Variants in GJC1 observed in about 807,000 individuals in gnomAD.
The protein encoded by GJC1 is gap junction gamma-1 protein.
Under a neutral mutation model 29.3 loss-of-function variants are expected in GJC1, and 5 were observed. The observed-to-expected ratio is 0.17, with a 90% CI of 0.09 to 0.36. The LOEUF (loss-of-function observed/expected upper bound fraction) is 0.36. Among genes scored for constraint, GJC1 ranks in the 10% least tolerant of loss-of-function variants. The pLI is 1.00. For synonymous variants in GJC1, 177 were observed against 183.3 expected (o/e 0.97, Z 0.28); for missense variants, 310 against 496.2 (o/e 0.62, Z 3.56).
At position 44,805,600 on chromosome 17, in the gene GJC1, T is replaced by A; in HGVS notation, c.218A>T (p.His73Leu). The change falls in exon 3 of 3, where the codon CAT (histidine) becomes CTT (leucine). Residue 73 changes from histidine to leucine, a missense_variant. Around this residue, in one of 4 missense-constraint regions of GJC1, gnomAD observed 37 missense variants for 104.2 expected, o/e 0.35. Transcript: ENST00000592524. This position sits in a 1 kb window ranked among gnomAD's most constrained non-coding sequence, Gnocchi z 5.1. The part of the protein sequence containing the change: ...VCYDAFAPLS[H>L]VRFWVFQIIL... Reference sequence around the variant, plus strand: ...GATCTGGAACACCCAGAAGCGTACATGGGAGAGAGGTGCAAACGCATCATA... The same window carrying A: ...GATCTGGAACACCCAGAAGCGTACAAGGGAGAGAGGTGCAAACGCATCATA... 2 of 1,614,168 alleles carry A rather than the reference T, an allele frequency of 1.2e-6. No individual in the cohort carries two copies. The highest frequency in any genetic ancestry group is 1.7e-6 in the Non-Finnish European group (2 of 1,179,998).
Position 44,805,050 on chromosome 17 carries a change from C to G in GJC1, c.768G>C (p.Gly256=), listed in dbSNP as rs748222103. The G allele has an allele frequency of 5.0e-6, 8 of 1,614,002 alleles. No individual in the cohort carries two copies. In the Admixed American group the frequency reaches 1.3e-4, roughly 27 times the overall value. ...TACTGTTTAGTGAGTCTCGAATGGT[C>G]CCAAACCCTAAATGAAGCATCTCCC... ...NIWEMLHLGF[G]TIRDSLNSKR... is the part of the protein sequence containing the mutation. Residue 256 remains glycine (G), a synonymous_variant, in exon 3 of 3, where the codon GGG becomes GGC. Transcript: ENST00000592524. The surrounding 1 kb of genome is among the most constrained non-coding windows in gnomAD (Gnocchi z 5.1).
intron 1 of GJC1, among the ~76,000 whole-genome samples, chr17:44,816,992 C>T (rs1342458381): frequency 2.0e-5 from 3 of 151,742 alleles, no homozygotes; most frequent in African/African-American, 7.3e-5. Context: ...GGGCGGATCA[C>T]CTGAAGTCAG....
chr17:44,823,815 G>C (rs181071103), intron 1 of GJC1, among the ~76,000 whole-genome samples: 45 of 151,540 alleles, frequency 3.0e-4, no homozygotes, highest in African/African-American at 1.0e-3. Context: ...AGGTTCAAGC[G>C]ATTCTCCTGC....
chr17:44,819,644 C>T (rs963782521), intron 1 of GJC1, among the ~76,000 whole-genome samples: 4 of 150,322 alleles, frequency 2.7e-5, no homozygotes, highest in South Asian at 2.1e-4. Flanking sequence ...GGCGACAGAG[C>T]GAGACTCCGT....
intron 1 of GJC1, 134 bp downstream of exon 1, chr17:44,829,928 T>C (rs62064503): frequency 0.37 from 55,724 of 151,640 alleles, 10,585 homozygotes; most frequent in Admixed American, 0.46. Context: ...TCTCCCGCTC[T>C]GGCCGCGCTC....
chr17:44,807,883 T>C (rs867833393), intron 1 of GJC1: 3 of 152,162 alleles, frequency 2.0e-5, no homozygotes, highest in East Asian at 1.9e-4. Context: ...TCAGGGGGAT[T>C]TGAGCAGCTA....
rs774247414 is a variant in GJC1, at chr17:44,805,479, C to T, written c.339G>A (p.Arg113=). The stretch of plus-strand genomic sequence containing the variant: ...TCCAGCGCATTGCATAGGGCTTGCT[C>T]CGAGCTGCCTTCTTGTCTGCTTCAC... The part of the protein sequence containing the change: ...EHGEADKKAA[R]SKPYAMRWKQ... Residue 113 remains arginine (R), a synonymous_variant, in exon 3 of 3, where the codon CGG becomes CGA. Coordinates refer to ENST00000592524, the MANE Select transcript of GJC1 (RefSeq NM_005497.4). The surrounding 1 kb of genome is among the most constrained non-coding windows in gnomAD (Gnocchi z 5.1). The T allele has an allele frequency of 2.0e-5, 32 of 1,614,028 alleles. No homozygotes were observed. The highest frequency in any genetic ancestry group is 2.3e-5 in the Non-Finnish European group (27 of 1,180,042).
At chr17:44,796,539 C>A (rs1458720600), downstream of GJC1, among the ~76,000 whole-genome samples, 4 of 152,014 alleles carry the variant, frequency 2.6e-5, no homozygotes, top group Non-Finnish European at 4.4e-5. Context: ...CAAAACAATT[C>A]TCTTTCCCCT....
At chr17:44,830,461 G>A (rs2050221713), upstream of GJC1, among the ~76,000 whole-genome samples, 1 of 152,124 alleles carries the variant, frequency 6.6e-6, no homozygotes, top group Non-Finnish European at 1.5e-5. This position sits in a 1 kb window ranked among gnomAD's most constrained non-coding sequence, Gnocchi z 4.3. Flanking sequence ...GATAGTCCGG[G>A]ACGCGGCGGA....
rs2049850196 is a variant in GJC1, at chr17:44,801,763, C to G, written c.*2864G>C. 1 of 152,128 alleles carries G rather than the reference C, an allele frequency of 6.6e-6. No individual in the cohort carries two copies. Among genetic ancestry groups the G allele is most frequent in the Admixed American group, 6.6e-5 (1 of 15,248 alleles). The allele number at this position is 152,128 out of a possible 1,614,324, so 9.4% of individuals were successfully genotyped here. ...GGATTGCAGGCGTCCACCCAGCACT[C>G]CTGGCTAATTTCTGTATTTTTAGTA... On this transcript the variant is annotated 3_prime_UTR_variant, in exon 3 of 3. Coordinates refer to ENST00000592524, the MANE Select transcript of GJC1 (RefSeq NM_005497.4).
At chr17:44,812,024 A>C (rs1245965003) in intron 1 of GJC1, among the ~76,000 whole-genome samples, 1 of 151,614 alleles carries the variant, frequency 6.6e-6, no homozygotes, top group Non-Finnish European at 1.5e-5. Context: ...ACAAAAAACA[A>C]AAAAACCCAG....
At chr17:44,797,960 C>T (rs1295396178), downstream of GJC1, among the ~76,000 whole-genome samples, 1 of 152,178 alleles carries the variant, frequency 6.6e-6, no homozygotes, top group Non-Finnish European at 1.5e-5. Context: ...CATTGCTGCT[C>T]CCTTCTCAGG....
chr17:44,809,993 G>C (rs998956159), intron 1 of GJC1, among the ~76,000 whole-genome samples: 7 of 152,050 alleles, frequency 4.6e-5, no homozygotes, highest in Non-Finnish European at 1.0e-4. Context: ...CGAGCAGCTG[G>C]GACAACAGGC....
At chr17:44,830,513 C>G (rs2050222354), upstream of GJC1, 2 of 396,478 alleles carry the variant, frequency 5.0e-6, no homozygotes, top group Admixed American at 4.4e-5. This position sits in a 1 kb window ranked among gnomAD's most constrained non-coding sequence, Gnocchi z 4.3. Context: ...AGTCTGGACC[C>G]CGGGTGGGCG....
chr17:44,830,934 A>G, upstream of GJC1: 1 of 376,122 alleles, frequency 2.7e-6, no homozygotes, highest in Non-Finnish European at 4.7e-6. This position sits in a 1 kb window ranked among gnomAD's most constrained non-coding sequence, Gnocchi z 4.3. Flanking sequence ...ATTTTCATGC[A>G]TAGGAATCCC....
At chr17:44,822,196 C>CAAAAAAAAA (rs59152296) in intron 1 of GJC1, among the ~76,000 whole-genome samples, 2 of 47,564 alleles carry the variant, frequency 4.2e-5, no homozygotes, top group African/African-American at 6.9e-5. Context: ...GACTCCGTCT[C>CAAAAAAAAA]AAAAAAAAAA....
At position 44,821,354 on chromosome 17, in the gene GJC1, T is replaced by C. The variant is rs1373816647; in HGVS notation, c.-97+8708A>G. On this transcript the variant is annotated intron_variant, in intron 1 of 2. Transcript: ENST00000592524. Reference sequence around the variant, plus strand: ...GTCTAAGACAAAAATAAATGTATGATTTTCCAATATGACTACGTTTATGAT... The same window carrying C: ...GTCTAAGACAAAAATAAATGTATGACTTTCCAATATGACTACGTTTATGAT... Among the ~76,000 whole-genome samples the C allele has an allele frequency of 3.9e-5, 6 of 152,090 alleles. No homozygotes were observed. In the South Asian group the frequency reaches 1.2e-3, roughly 32 times the overall value.
intron 1 of GJC1, 82 bp downstream of exon 1, chr17:44,829,980 C>T (rs1230841539): frequency 1.3e-5 from 2 of 152,022 alleles, no homozygotes; most frequent in Non-Finnish European, 2.9e-5. Context: ...CCTCCCCGGG[C>T]TCCCCAAGAG....
intron 1 of GJC1, among the ~76,000 whole-genome samples, chr17:44,827,249 G>A (rs2050185943): frequency 6.6e-6 from 1 of 151,958 alleles, no homozygotes; most frequent in Non-Finnish European, 1.5e-5. Flanking sequence ...GGCGGAGGTT[G>A]CAGTGAGACA....
Sources: gnomAD v4.1 joint callset for allele counts (sites outside exome capture counted in the v4.1 genomes callset) on GRCh38, gnomAD v4.1.1 for gene constraint, gnomAD v4.1.1 regional missense constraint, Gnocchi (gnomAD v3.1) non-coding constraint, MANE v1.5 for transcripts, NCBI Gene and HGNC (gene_info 2026-07-23, HGNC 2026-07-21) for gene names.